The following ADAMTS20 variants were observed in gnomAD, a reference collection of about 807,000 sequenced individuals.
The protein encoded by ADAMTS20 is ADAM metallopeptidase with thrombospondin type 1 motif 20.
A neutral mutation model predicts 260.1 loss-of-function variants in ADAMTS20; 225 were observed. That is an observed-to-expected ratio of 0.87 (90% CI 0.78 to 0.97). The LOEUF (loss-of-function observed/expected upper bound fraction) is 0.97. Among genes scored for constraint, ADAMTS20 ranks in the 50% least tolerant of loss-of-function variants. ADAMTS20 has a pLI of 0.00. For synonymous variants in ADAMTS20, 802 were observed against 769.5 expected (o/e 1.04, Z -0.70); for missense variants, 2,400 against 2,337.7 (o/e 1.03, Z -0.55).
chr12:43,493,241 A>AC lies in ADAMTS20; in HGVS notation c.879_880insG (p.Tyr294ValfsTer23). On this transcript the variant is annotated frameshift_variant, in exon 5 of 39. Transcript: ENST00000389420. LOFTEE classifies it high-confidence loss of function. ...AAATTTCCAATACTTGGATCTTTGT[A>AC]GATTGTTGCAACCTGCATGTAAAAA... is the stretch of plus-strand genomic sequence containing the variant. The AC allele has an allele frequency of 1.3e-6, 2 of 1,552,484 alleles. No individual in the cohort carries two copies.
chr12:43,495,025 G>C (rs1465843191), intron 4 of ADAMTS20, among the ~76,000 whole-genome samples: 2 of 152,134 alleles, frequency 1.3e-5, no homozygotes, highest in African/African-American at 4.8e-5. Flanking sequence ...TGTCTACATG[G>C]CTAACTACTA....
intron 2 of ADAMTS20, among the ~76,000 whole-genome samples, chr12:43,541,932 C>T (rs1389676938): frequency 6.6e-6 from 1 of 152,174 alleles, no homozygotes; most frequent in Non-Finnish European, 1.5e-5. Flanking sequence ...GGACTGCTCT[C>T]CTGCCAAGTC....
intron 23 of ADAMTS20, 122 bp from the exon 24 acceptor site, chr12:43,429,846 T>C (rs1941406788): frequency 4.9e-6 from 3 of 611,862 alleles, no homozygotes; most frequent in Admixed American, 7.1e-5. Context: ...AAATTGGTAA[T>C]ATGAATGTTT....
At position 43,551,498 on chromosome 12, in the gene ADAMTS20, C is replaced by G. The variant is rs980470546; in HGVS notation, c.92-228G>C. 1.3e-5 allele frequency among the ~76,000 whole-genome samples: 2 copies of G among 152,250 alleles called. No individual in the cohort carries two copies. Among genetic ancestry groups the G allele is most frequent in the South Asian group, 2.1e-4 (1 of 4,828 alleles). On this transcript the variant is annotated intron_variant, in intron 1 of 38. Transcript: ENST00000389420. The surrounding 1 kb of genome is among the most constrained non-coding windows in gnomAD (Gnocchi z 4.6). ...TGCCCTACCCTCCCCAAGCAAAGACCCTACCACTAATGGCCCTAAGCAACC... is the reference window on the plus strand; with the variant it reads ...TGCCCTACCCTCCCCAAGCAAAGACGCTACCACTAATGGCCCTAAGCAACC...
At chr12:43,432,079 C>A (rs1444585154) in intron 21 of ADAMTS20, among the ~76,000 whole-genome samples, 3 of 152,136 alleles carry the variant, frequency 2.0e-5, no homozygotes, top group African/African-American at 7.2e-5. Flanking sequence ...TCTTGAACAT[C>A]TGAGCTCAAG....
chr12:43,400,753 C>A (rs1940794560), intron 28 of ADAMTS20, among the ~76,000 whole-genome samples: 1 of 151,726 alleles, frequency 6.6e-6, no homozygotes, highest in East Asian at 1.9e-4. Context: ...CAAGTATATA[C>A]CATGGAGTGT....
At chr12:43,521,849 C>T (rs1211804919) in intron 3 of ADAMTS20, among the ~76,000 whole-genome samples, 3 of 152,144 alleles carry the variant, frequency 2.0e-5, no homozygotes. Context: ...ATGGGTTACT[C>T]TTTTCCACAC....
At chr12:43,372,915 A>G (rs1474852362) in intron 36 of ADAMTS20, among the ~76,000 whole-genome samples, 2 of 152,210 alleles carry the variant, frequency 1.3e-5, no homozygotes, top group African/African-American at 4.8e-5. Flanking sequence ...GTGAGTTAGT[A>G]GAGTGGAGGT....
intron 3 of ADAMTS20, among the ~76,000 whole-genome samples, chr12:43,519,206 A>C (rs1328152575): frequency 6.6e-6 from 1 of 152,136 alleles, no homozygotes; most frequent in Non-Finnish European, 1.5e-5. Context: ...TGAACCTAAA[A>C]AAAGCTTAAA....
chr12:43,423,252 T>TAAC (rs1326684291), intron 28 of ADAMTS20: 5 of 154,782 alleles, frequency 3.2e-5, no homozygotes, highest in African/African-American at 1.2e-4. Flanking sequence ...CAGCCATAGA[T>TAAC]AACACGTAAA....
chr12:43,532,001 T>TTA, intron 3 of ADAMTS20, 35 bp downstream of exon 3: 1 of 1,384,866 alleles, frequency 7.2e-7, no homozygotes, highest in South Asian at 2.0e-5. Flanking sequence ...ATAGTATCAC[T>TTA]ATTTAGCTGA....
intron 2 of ADAMTS20, among the ~76,000 whole-genome samples, chr12:43,546,372 A>G (rs1475466350): frequency 2.6e-5 from 4 of 152,178 alleles, no homozygotes; most frequent in Admixed American, 2.6e-4. Context: ...TTCAACCAGA[A>G]AGACTGCATT....
Position 43,551,249 on chromosome 12 carries a change from G to A in ADAMTS20, c.113C>T (p.Thr38Ile), listed in dbSNP as rs768885061. The A allele has an allele frequency of 4.3e-6, 7 of 1,613,482 alleles. No individual in the cohort carries two copies. The highest frequency in any genetic ancestry group is 2.2e-5 in the South Asian group (2 of 91,064). Residue 38 changes from threonine (T) to isoleucine (I), a missense_variant, in exon 2 of 39, where the codon ACC becomes ATC. By Grantham distance (89) the Thr-to-Ile change is moderately conservative (BLOSUM62 -1). Transcript: ENST00000389420. This position sits in a 1 kb window ranked among gnomAD's most constrained non-coding sequence, Gnocchi z 4.6. ...CTCGGGGATCACTACTTCGTAGGAG[G>A]TCAGTGTCCTCACCAGGGCTTCTGC... The part of the protein sequence containing the change: ...PRQEALVRTL[T>I]SYEVVIPERV...
rs1942121329 is a variant in ADAMTS20 at position 43,464,615 on chromosome 12, AG to A, written c.1484del (p.Pro495LeufsTer9). On this transcript the variant is annotated frameshift_variant, in exon 10 of 39. Coordinates refer to ENST00000389420, the MANE Select transcript of ADAMTS20 (RefSeq NM_025003.5). LOFTEE classifies it high-confidence loss of function. Reference protein sequence around the residue: ...GNKQCELAFGPGSQMCPHINI... With the variant: ...GNKQCELAFGXGSQMCPHINI... ...CTATATGGGGACACATTTGTGACCC[AG>A]GACCAAACGCAAGCTCACACTGCTT... 3.7e-6 allele frequency: 6 copies of A among 1,613,310 alleles called. No homozygotes were observed. The highest frequency in any genetic ancestry group is 4.2e-6 in the Non-Finnish European group (5 of 1,179,424).
In ADAMTS20 at chr12:43,439,878, C is replaced by T; in HGVS notation, c.2463+19G>A. ...ATATAATTAAATCCAAGTGTTATTA[C>T]TGATGACTGAGAATTTACCTGCAAA... On this transcript the variant is annotated intron_variant, in intron 17 of 38. Coordinates refer to ENST00000389420, the MANE Select transcript of ADAMTS20 (RefSeq NM_025003.5). 6.3e-7 allele frequency: 1 copy of T among 1,597,784 alleles called. No homozygotes were observed. Among genetic ancestry groups the T allele is most frequent in the Non-Finnish European group, 8.5e-7 (1 of 1,170,894 alleles).
chr12:43,428,138 A>C (rs1430347856), intron 26 of ADAMTS20, 103 bp downstream of exon 26: 1 of 1,179,372 alleles, frequency 8.5e-7, no homozygotes, highest in African/African-American at 1.5e-5. Flanking sequence ...ATCTTGAAAT[A>C]AATTTAGCAT....
chr12:43,549,579 A>T (rs1396413657), intron 2 of ADAMTS20, among the ~76,000 whole-genome samples: 1 of 152,190 alleles, frequency 6.6e-6, no homozygotes, highest in Non-Finnish European at 1.5e-5. Flanking sequence ...AAACATAATG[A>T]CCATGACAAA....
intron 7 of ADAMTS20, among the ~76,000 whole-genome samples, chr12:43,469,832 A>T (rs1353933309): frequency 6.6e-6 from 1 of 152,184 alleles, no homozygotes. Flanking sequence ...TTGTGCTTTA[A>T]GAGAAATGGA....
intron 2 of ADAMTS20, among the ~76,000 whole-genome samples, chr12:43,549,487 A>G (rs762603664): frequency 5.1e-4 from 78 of 152,268 alleles, no homozygotes; most frequent in Non-Finnish European, 1.0e-3. Flanking sequence ...TAATAATTTA[A>G]CTACATCAAC....
Sources: gnomAD v4.1 joint callset for allele counts (sites outside exome capture counted in the v4.1 genomes callset) on GRCh38, gnomAD v4.1.1 for gene constraint, Gnocchi (gnomAD v3.1) non-coding constraint, MANE v1.5 for transcripts, NCBI Gene and HGNC (gene_info 2026-07-23, HGNC 2026-07-21) for gene names.